TENM1: variants seen among roughly 807,000 people sequenced by gnomAD.
The protein encoded by TENM1 is teneurin-1.
Under a neutral mutation model 174.8 loss-of-function variants are expected in TENM1, and 35 were observed. The ratio of observed to expected loss-of-function variants is 0.20; its 90% CI spans 0.15 to 0.27. The LOEUF (loss-of-function observed/expected upper bound fraction) is 0.27. Ranked by LOEUF, TENM1 falls within the 10% of genes least tolerant of loss-of-function variation. TENM1 has a pLI of 1.00. For synonymous variants in TENM1, 781 were observed against 798.7 expected (o/e 0.98, Z 0.37); for missense variants, 1,633 against 2,130.1 (o/e 0.77, Z 4.59).
the TENM1 span, among the ~76,000 whole-genome samples, chrX:125,121,545 C>T: frequency 1.8e-5 from 2 of 111,644 alleles, no homozygotes; most frequent in African/African-American, 6.5e-5. Context: ...TTTGTGTAGG[C>T]TTCTTGATTT....
At chrX:125,168,991 TGG>T in the TENM1 span, among the ~76,000 whole-genome samples, 1 of 110,560 alleles carries the variant, frequency 9.0e-6, no homozygotes, top group African/African-American at 3.3e-5. Context: ...TGTGTGTGTG[TGG>T]GTGTGTGTGT....
At chrX:124,925,718 T>C (rs750302063) in intron 1 of TENM1, among the ~76,000 whole-genome samples, 18 of 112,591 alleles carry the variant, frequency 1.6e-4, no homozygotes, top group African/African-American at 5.8e-4. Context: ...TGAGCCCGAA[T>C]GTTCAGCATT....
the TENM1 span, among the ~76,000 whole-genome samples, chrX:125,137,902 A>G: frequency 1.8e-5 from 2 of 111,981 alleles, no homozygotes; most frequent in African/African-American, 6.5e-5. Flanking sequence ...GGTGTGTTTA[A>G]TTAAAGCTCC....
chrX:124,570,590 A>T (rs746545364), intron 11 of TENM1, among the ~76,000 whole-genome samples: 2 of 111,697 alleles, frequency 1.8e-5, no homozygotes, highest in East Asian at 5.6e-4. Context: ...CATATATGGA[A>T]TAAAAGAGAA....
chrX:124,679,846 T>C (rs1161229907), intron 5 of TENM1, among the ~76,000 whole-genome samples: 4 of 111,952 alleles, frequency 3.6e-5, no homozygotes, highest in African/African-American at 1.3e-4. Context: ...CCTAGGGCTA[T>C]ACATATACAT....
intron 3 of TENM1, among the ~76,000 whole-genome samples, chrX:124,783,265 T>C (rs2054957261): frequency 8.9e-6 from 1 of 111,771 alleles, no homozygotes; most frequent in African/African-American, 3.2e-5. Context: ...AGATGATATA[T>C]AGTAAAGTTT....
At chrX:125,079,238 T>C in the TENM1 span, among the ~76,000 whole-genome samples, 1 of 111,602 alleles carries the variant, frequency 9.0e-6, no homozygotes, top group East Asian at 2.8e-4. Flanking sequence ...ATGTTTCATT[T>C]ATAAAGAGAG....
chrX:125,162,308 C>G, the TENM1 span, among the ~76,000 whole-genome samples: 1 of 112,205 alleles, frequency 8.9e-6, no homozygotes, highest in Admixed American at 9.4e-5. Context: ...TTTCTTTTTA[C>G]TTTATCACTA....
chrX:124,438,915 A>G (rs1403671865), intron 23 of TENM1, among the ~76,000 whole-genome samples: 1 of 112,016 alleles, frequency 8.9e-6, no homozygotes, highest in Admixed American at 9.5e-5. Flanking sequence ...ATTTAAATGA[A>G]CTCTGCGGAT....
At chrX:124,590,008 C>A (rs1349208886) in intron 11 of TENM1, among the ~76,000 whole-genome samples, 1 of 111,458 alleles carries the variant, frequency 9.0e-6, no homozygotes, top group Non-Finnish European at 1.9e-5. Flanking sequence ...GAAGTTAGAT[C>A]ATTAATTTGA....
exon 29 of TENM1, chrX:124,386,034 G>A (rs2060214078): frequency 8.3e-7 from 1 of 1,200,281 alleles, no homozygotes; most frequent in South Asian, 1.8e-5. Context: ...AAGATGTAAC[G>A]CCGCTGGCTG....
the TENM1 span, among the ~76,000 whole-genome samples, chrX:125,091,135 G>A: frequency 9.1e-6 from 1 of 110,056 alleles, no homozygotes; most frequent in African/African-American, 3.3e-5. Flanking sequence ...CCTGAGTTAA[G>A]GGACCTGCAA....
chrX:125,015,027 A>G, the TENM1 span, among the ~76,000 whole-genome samples: 1 of 111,144 alleles, frequency 9.0e-6, no homozygotes. Context: ...CAGGTCATGT[A>G]AATTGCCAGC....
At chrX:124,910,655 A>T (rs979484863) in intron 1 of TENM1, among the ~76,000 whole-genome samples, 2 of 111,668 alleles carry the variant, frequency 1.8e-5, no homozygotes, top group African/African-American at 6.5e-5. Flanking sequence ...TCCTAGGCAC[A>T]ATTTAAGGTA....
chrX:124,858,281 C>T (rs1453414465), intron 3 of TENM1, among the ~76,000 whole-genome samples: 1 of 112,183 alleles, frequency 8.9e-6, no homozygotes, highest in African/African-American at 3.2e-5. Flanking sequence ...CCAGACCCTT[C>T]AAATGACTTT....
intron 25 of TENM1, among the ~76,000 whole-genome samples, chrX:124,419,611 T>A (rs1012230231): frequency 8.9e-6 from 1 of 112,181 alleles, no homozygotes; most frequent in African/African-American, 3.2e-5. Context: ...ACATTTTGTG[T>A]TAGTTCCCCA....
At chrX:124,856,354 G>T (rs1314149951) in intron 3 of TENM1, among the ~76,000 whole-genome samples, 2 of 110,914 alleles carry the variant, frequency 1.8e-5, no homozygotes, top group Non-Finnish European at 1.9e-5. Flanking sequence ...TAGATTAAAA[G>T]ACCTTAAACT....
At chrX:124,794,403 C>A (rs1408580902) in intron 3 of TENM1, among the ~76,000 whole-genome samples, 1 of 111,824 alleles carries the variant, frequency 8.9e-6, no homozygotes, top group East Asian at 2.8e-4. Context: ...CTAAGTGACA[C>A]CACAAGGTAC....
chrX:124,734,708 G>T (rs142382767), intron 4 of TENM1, among the ~76,000 whole-genome samples: 1 of 111,420 alleles, frequency 9.0e-6, no homozygotes, highest in Non-Finnish European at 1.9e-5. Context: ...AATTTAATAT[G>T]CTGCTAAACA....
Sources: allele counts gnomAD v4.1 joint callset (sites outside exome capture counted in the v4.1 genomes callset), GRCh38; gene constraint gnomAD v4.1.1; transcripts MANE v1.5; gene names NCBI Gene and HGNC (gene_info 2026-07-23, HGNC 2026-07-21).